NCKAP1: variants seen among roughly 807,000 people sequenced by gnomAD.
The protein encoded by NCKAP1 is nck-associated protein 1.
A neutral mutation model predicts 151.2 loss-of-function variants in NCKAP1; 21 were observed. The ratio of observed to expected loss-of-function variants is 0.14; its 90% confidence interval spans 0.10 to 0.20. The LOEUF is 0.20. Among genes scored for constraint, NCKAP1 ranks in the 10% least tolerant of loss-of-function variants. NCKAP1 has a pLI of 1.00. For missense variants in NCKAP1, 933 were observed against 1,352.1 expected, an observed-to-expected ratio of 0.69 and a Z score of 4.86; for synonymous variants, 484 against 451.8, an observed-to-expected ratio of 1.07 and a Z score of -0.90.
At chr2:182,971,267 G>A (rs1399766449) in intron 15 of NCKAP1, among the ~76,000 whole-genome samples, 3 of 149,612 alleles carry the variant, frequency 2.0e-5, no homozygotes, top group African/African-American at 4.9e-5. Context: ...AGTGGCGGGC[G>A]CCTGTAGTCC....
At chr2:183,011,727 A>G (rs1698593253) in intron 2 of NCKAP1, among the ~76,000 whole-genome samples, 1 of 152,222 alleles carries the variant, frequency 6.6e-6, no homozygotes, top group South Asian at 2.1e-4. Context: ...TGCTATGAAC[A>G]TGTCTTTGGG....
At chr2:182,988,973 A>C in intron 9 of NCKAP1, 57 bp downstream of exon 9, 1 of 1,485,020 alleles carries the variant, frequency 6.7e-7, no homozygotes, top group South Asian at 1.2e-5. Flanking sequence ...ACTTCAGTAA[A>C]GATAACTCAC....
chr2:182,994,503 G>A (rs1298793517), intron 8 of NCKAP1, among the ~76,000 whole-genome samples: 15 of 152,050 alleles, frequency 9.9e-5, no homozygotes. Flanking sequence ...GCCAGGCATG[G>A]TAGCGTGTGC....
At chr2:182,974,535 C>T (rs1324075704) in intron 15 of NCKAP1, among the ~76,000 whole-genome samples, 1 of 151,868 alleles carries the variant, frequency 6.6e-6, no homozygotes, top group African/African-American at 2.4e-5. Flanking sequence ...ATGAAATATG[C>T]AAAGAGGAAA....
At chr2:182,942,932 T>G (rs1293622669) in intron 23 of NCKAP1, among the ~76,000 whole-genome samples, 3 of 152,080 alleles carry the variant, frequency 2.0e-5, no homozygotes, top group African/African-American at 7.2e-5. Flanking sequence ...AAGAGAGAAG[T>G]GAGAGAGACA....
At chr2:182,990,034 T>C (rs2105862953) in intron 8 of NCKAP1, among the ~76,000 whole-genome samples, 1 of 150,884 alleles carries the variant, frequency 6.6e-6, no homozygotes, top group South Asian at 2.1e-4. Context: ...TATGCATACA[T>C]ACATAAAGAG....
chr2:182,973,905 TAAAC>T (rs1697750081), intron 15 of NCKAP1, among the ~76,000 whole-genome samples: 1 of 152,222 alleles, frequency 6.6e-6, no homozygotes, highest in South Asian at 2.1e-4. Flanking sequence ...AATTAACTGA[TAAAC>T]ATATTCTGTC....
At chr2:182,941,431 C>G (rs534091804) in intron 24 of NCKAP1, among the ~76,000 whole-genome samples, 1 of 152,218 alleles carries the variant, frequency 6.6e-6, no homozygotes, top group South Asian at 2.1e-4. Flanking sequence ...AATTACTGAT[C>G]ACTTAACAAC....
At position 182,986,217 on chromosome 2, in the gene NCKAP1, G is replaced by A. The variant is rs759980101; in HGVS notation, c.958C>T (p.Arg320Cys). 1 of 1,613,100 alleles carries A rather than the reference G, an allele frequency of 6.2e-7. No individual in the cohort carries two copies. Residue 320 changes from arginine to cysteine, a missense_variant, in exon 10 of 31, where the codon CGT becomes TGT. Physicochemically the swap from Arg to Cys is radical, Grantham distance 180. Transcript: ENST00000361354. ...TTGCATTCTCTTATGTCATTAATACGTTTATTATAGCTAGGTGCAAAAACA... is the reference window on the plus strand; with the variant it reads ...TTGCATTCTCTTATGTCATTAATACATTTATTATAGCTAGGTGCAAAAACA... ...LFVNIRGYNK[R>C]INDIRECKEA...
chr2:183,008,345 GT>G (rs1442870759), intron 2 of NCKAP1, among the ~76,000 whole-genome samples: 6 of 152,140 alleles, frequency 3.9e-5, no homozygotes, highest in Non-Finnish European at 8.8e-5. Flanking sequence ...TTTTTGCAAA[GT>G]TTTTATAACT....
At chr2:183,015,430 C>T (rs1259451191) in intron 2 of NCKAP1, among the ~76,000 whole-genome samples, 1 of 148,740 alleles carries the variant, frequency 6.7e-6, no homozygotes, top group Admixed American at 6.8e-5. Context: ...CAGGCTTTTA[C>T]AAATTATCTA....
chr2:182,936,967 T>C (rs1696887409), intron 24 of NCKAP1, among the ~76,000 whole-genome samples: 1 of 151,696 alleles, frequency 6.6e-6, no homozygotes, highest in Non-Finnish European at 1.5e-5. Flanking sequence ...ATACAAAAAT[T>C]AGCCAAGCCT....
intron 17 of NCKAP1, among the ~76,000 whole-genome samples, chr2:182,963,830 T>C (rs1697506512): frequency 6.6e-6 from 1 of 152,084 alleles, no homozygotes; most frequent in Admixed American, 6.5e-5. Flanking sequence ...GGTATTAATA[T>C]CCTCATAGGT....
At chr2:183,021,898 A>T (rs1014269618) in intron 2 of NCKAP1, among the ~76,000 whole-genome samples, 1 of 152,186 alleles carries the variant, frequency 6.6e-6, no homozygotes, top group East Asian at 1.9e-4. Context: ...GAATGTACTT[A>T]AAAAACACTG....
chr2:183,027,651 T>A (rs931161323), intron 1 of NCKAP1, among the ~76,000 whole-genome samples: 71 of 152,170 alleles, frequency 4.7e-4, no homozygotes, highest in Non-Finnish European at 9.0e-4. Context: ...GGACAGAAAC[T>A]AGAGACCGGC....
rs1696449035 is a variant in NCKAP1 at position 182,915,265 on chromosome 2, G to A, written c.*10437C>T. The stretch of plus-strand genomic sequence containing the variant: ...ACCTATTTTCCAACTGTAATATTCT[G>A]TATAGAATGCAAATGTTCAGACTTT... On this transcript the variant is annotated 3_prime_UTR_variant, in exon 31 of 31. Coordinates refer to ENST00000361354, the MANE Select transcript of NCKAP1 (RefSeq NM_013436.5). The A allele has an allele frequency of 6.6e-6, 1 of 152,218 alleles. No homozygotes were observed. Among genetic ancestry groups the A allele is most frequent in the Non-Finnish European group, 1.5e-5 (1 of 68,048 alleles). 9.4% of individuals were successfully genotyped at this position (152,218 alleles called of 1,614,324 possible).
chr2:182,972,245 A>C (rs968133148), intron 15 of NCKAP1, among the ~76,000 whole-genome samples: 6 of 112,294 alleles, frequency 5.3e-5, no homozygotes, highest in South Asian at 6.3e-4. Flanking sequence ...AAAAAAAAAA[A>C]CAAAACTGAT....
At chr2:182,976,753 C>T (rs1013474929) in intron 15 of NCKAP1, 140 bp downstream of exon 15, 5 of 421,192 alleles carry the variant, frequency 1.2e-5, no homozygotes, top group African/African-American at 4.1e-5. Flanking sequence ...ATAATTAGTA[C>T]AAAATGTTTC....
At chr2:182,972,264 T>C (rs1031062292) in intron 15 of NCKAP1, among the ~76,000 whole-genome samples, 1 of 110,358 alleles carries the variant, frequency 9.1e-6, no homozygotes, top group African/African-American at 3.4e-5. Flanking sequence ...ATTTTAAAAA[T>C]GGGCAAAAGA....
Sources: gnomAD v4.1 joint callset for allele counts (sites outside exome capture counted in the v4.1 genomes callset) on GRCh38, gnomAD v4.1.1 for gene constraint, MANE v1.5 for transcripts, NCBI Gene and HGNC (gene_info 2026-07-23, HGNC 2026-07-21) for gene names.